Variants in TLN2 observed in about 807,000 individuals in gnomAD.
TLN2 encodes talin-2.
TLN2 carries 118 observed loss-of-function variants against 294.7 expected under a neutral mutation model. That is an observed-to-expected ratio of 0.40 (90% CI 0.34 to 0.47). TLN2 has a LOEUF of 0.47. Among genes scored for constraint, TLN2 ranks in the 20% least tolerant of loss-of-function variants. The pLI, the probability that TLN2 is intolerant of heterozygous loss-of-function variation, is 0.84. For missense variants in TLN2, 3,083 were observed against 3,282.2 expected, an observed-to-expected ratio of 0.94 and a Z score of 1.48; for synonymous variants, 1,431 against 1,304.5, an observed-to-expected ratio of 1.10 and a Z score of -2.09.
chr15:62,729,882 C>T (rs1016081189), intron 28 of TLN2, among the ~76,000 whole-genome samples: 1 of 151,886 alleles, frequency 6.6e-6, no homozygotes, highest in Non-Finnish European at 1.5e-5. Context: ...TATTTCCTTC[C>T]TCTTGATTAG....
At chr15:62,718,639 T>C (rs1246286537) in intron 24 of TLN2, among the ~76,000 whole-genome samples, 3 of 152,178 alleles carry the variant, frequency 2.0e-5, no homozygotes, top group Non-Finnish European at 2.9e-5. Flanking sequence ...CCTGGGCTGG[T>C]GTCCTTCGGT....
At chr15:62,402,449 C>A (rs571805960) in intron 1 of TLN2, among the ~76,000 whole-genome samples, 1 of 152,164 alleles carries the variant, frequency 6.6e-6, no homozygotes, top group African/African-American at 2.4e-5. Context: ...CATTGTCCAT[C>A]ATCCCTTTCT....
intron 1 of TLN2, among the ~76,000 whole-genome samples, chr15:62,529,938 TC>T (rs2040951565): frequency 6.6e-6 from 1 of 152,166 alleles, no homozygotes; most frequent in Non-Finnish European, 1.5e-5. Flanking sequence ...ATGCCTGTAA[TC>T]CCGGCACTTT....
chr15:62,815,189 A>T (rs867042487), intron 52 of TLN2, among the ~76,000 whole-genome samples: 9,760 of 133,026 alleles, frequency 0.073, 436 homozygotes, highest in Middle Eastern at 0.097. Flanking sequence ...ACACACACAC[A>T]CACACACACA....
intron 9 of TLN2, among the ~76,000 whole-genome samples, chr15:62,673,027 T>G (rs1332354960): frequency 2.0e-5 from 3 of 151,912 alleles, no homozygotes; most frequent in Non-Finnish European, 2.9e-5. Context: ...TTATCCTAAT[T>G]ATATGTAACA....
chr15:62,626,548 G>C (rs910569639), intron 3 of TLN2, among the ~76,000 whole-genome samples: 1 of 152,128 alleles, frequency 6.6e-6, no homozygotes, highest in Admixed American at 6.6e-5. Flanking sequence ...TGAAGCAATT[G>C]AACATAAGAA....
intron 45 of TLN2, among the ~76,000 whole-genome samples, chr15:62,786,425 T>C (rs2064663217): frequency 6.6e-6 from 1 of 152,192 alleles, no homozygotes; most frequent in Non-Finnish European, 1.5e-5. Context: ...AATTCAAGCC[T>C]TTGTTAACAT....
intron 50 of TLN2, among the ~76,000 whole-genome samples, chr15:62,804,363 T>A (rs116891390): frequency 0.024 from 3,586 of 152,282 alleles, 64 homozygotes; most frequent in Admixed American, 0.035. Flanking sequence ...TTTAGGAGGC[T>A]GAGGCAGGAG....
chr15:62,582,222 A>ACACACACACATACG (rs1287647815), intron 1 of TLN2, among the ~76,000 whole-genome samples: 2 of 142,596 alleles, frequency 1.4e-5, no homozygotes, highest in Non-Finnish European at 3.1e-5. Flanking sequence ...ACACACACAC[A>ACACACACACATACG]CACACACACA....
chr15:62,673,934 T>A (rs757521931), intron 10 of TLN2, 44 bp downstream of exon 10: 1 of 1,517,622 alleles, frequency 6.6e-7, no homozygotes, highest in South Asian at 1.1e-5. Context: ...TCACTCCCCA[T>A]CCTCATTTAT....
intron 28 of TLN2, 58 bp from the exon 29 acceptor site, chr15:62,736,820 G>C: frequency 6.3e-7 from 1 of 1,579,886 alleles, no homozygotes; most frequent in Non-Finnish European, 8.7e-7. Flanking sequence ...TTATTCCTAA[G>C]TAAAATGTGC....
intron 1 of TLN2, among the ~76,000 whole-genome samples, chr15:62,492,918 AG>A (rs1644092704): frequency 6.6e-6 from 1 of 152,208 alleles, no homozygotes; most frequent in South Asian, 2.1e-4. Context: ...AAAGTGGGGT[AG>A]CCCAGGACGT....
At chr15:62,599,787 C>T (rs1447621137) in intron 2 of TLN2, among the ~76,000 whole-genome samples, 3 of 152,116 alleles carry the variant, frequency 2.0e-5, no homozygotes, top group Non-Finnish European at 4.4e-5. Flanking sequence ...AGGTTGTTGC[C>T]GGCACAGAGG....
In TLN2 at chr15:62,796,190, G is replaced by T; in HGVS notation, c.5947G>T (p.Ala1983Ser). ...AGGAACCCAGGCATGCATTACAGCC[G>T]CCACCGCTGTGTCTGGGATCATTGC... is the stretch of plus-strand genomic sequence containing the variant. ...NKGTQACITA[A>S]TAVSGIIADL... Residue 1983 changes from alanine (A) to serine (S), a missense_variant, in exon 47 of 59, where the codon GCC becomes TCC. Physicochemically the swap from Ala to Ser is moderately conservative, Grantham distance 99. Coordinates refer to ENST00000636159, the MANE Select transcript of TLN2 (RefSeq NM_015059.3). 6.2e-7 allele frequency: 1 copy of T among 1,614,192 alleles called. No homozygotes were observed. The highest frequency in any genetic ancestry group is 8.5e-7 in the Non-Finnish European group (1 of 1,180,034).
At chr15:62,716,250 TA>T in intron 22 of TLN2, 80 bp from the exon 23 acceptor site, 5 of 1,355,522 alleles carry the variant, frequency 3.7e-6, no homozygotes, top group Non-Finnish European at 4.8e-6. Context: ...TTTCTATTAC[TA>T]AGAAAAAATA....
intron 1 of TLN2, among the ~76,000 whole-genome samples, chr15:62,582,609 G>A (rs939488405): frequency 6.6e-6 from 1 of 152,188 alleles, no homozygotes; most frequent in African/African-American, 2.4e-5. Context: ...GGGCATCAAA[G>A]CCCTCTTAGG....
intron 10 of TLN2, 36 bp from the exon 11 acceptor site, chr15:62,675,181 T>C (rs746317688): frequency 1.0e-5 from 16 of 1,599,964 alleles, no homozygotes; most frequent in Middle Eastern, 1.7e-4. Context: ...CTGGCAGAGA[T>C]GCAATAACTG....
intron 36 of TLN2, chr15:62,754,252 G>A (rs1198767305): frequency 2.3e-5 from 4 of 172,726 alleles, no homozygotes; most frequent in Admixed American, 6.3e-5. Context: ...GCAGGGCTCC[G>A]TTTTCTACCC....
intron 1 of TLN2, among the ~76,000 whole-genome samples, chr15:62,554,193 C>T (rs974163575): frequency 1.3e-5 from 2 of 151,708 alleles, no homozygotes; most frequent in African/African-American, 4.8e-5. Flanking sequence ...TAAAGTGATT[C>T]TCTAACCCCT....
Sources: gnomAD v4.1 joint callset for allele counts (sites outside exome capture counted in the v4.1 genomes callset) on GRCh38, gnomAD v4.1.1 for gene constraint, MANE v1.5 for transcripts, NCBI Gene and HGNC (gene_info 2026-07-23, HGNC 2026-07-21) for gene names.